DTNBP1: variants seen among roughly 807,000 people sequenced by gnomAD.
DTNBP1 encodes dysbindin.
Under a neutral mutation model 42.8 loss-of-function variants are expected in DTNBP1, and 35 were observed. The ratio of observed to expected loss-of-function variants is 0.82; its 90% confidence interval spans 0.63 to 1.09. DTNBP1 has a LOEUF of 1.09. DTNBP1 is among the 50% of genes least tolerant of loss of function. DTNBP1 has a pLI of 0.00. For synonymous variants in DTNBP1, 171 were observed against 162.2 expected, an observed-to-expected ratio of 1.05 and a Z score of -0.41; for missense variants, 457 against 424.2, an observed-to-expected ratio of 1.08 and a Z score of -0.68.
At chr6:15,552,438 A>G (rs1309966256) in intron 7 of DTNBP1, among the ~76,000 whole-genome samples, 1 of 152,224 alleles carries the variant, frequency 6.6e-6, no homozygotes, top group African/African-American at 2.4e-5. Flanking sequence ...TATTTATTCA[A>G]TGAAAGGTTT....
rs185521173 is a variant in DTNBP1 at position 15,624,702 on chromosome 6, G to A, written c.355+2641C>T. ...GGGACCCTGTGACTAAATATAATCG[G>A]TTACCATTTTCTTCTAAGTTTGTTT... On this transcript the variant is annotated intron_variant, in intron 5 of 9. Transcript: ENST00000344537. Among the ~76,000 whole-genome samples, 34 of 151,862 alleles carry A rather than the reference G, an allele frequency of 2.2e-4. 1 individual carries two copies. In the East Asian group the frequency reaches 6.2e-3, roughly 28 times the overall value.
chr6:15,564,114 C>T (rs1774962468), intron 7 of DTNBP1, among the ~76,000 whole-genome samples: 1 of 151,732 alleles, frequency 6.6e-6, no homozygotes, highest in African/African-American at 2.4e-5. Flanking sequence ...TCAGGGAGAC[C>T]CCTTTGAGGT....
chr6:15,662,720 T>C lies in DTNBP1; in HGVS notation c.56+94A>G, dbSNP rs2113843037. 4 of 1,553,344 alleles carry C rather than the reference T, an allele frequency of 2.6e-6. No homozygotes were observed. In the South Asian group the frequency reaches 4.5e-5, roughly 17 times the overall value. On this transcript the variant is annotated intron_variant, in intron 1 of 9. Transcript: ENST00000344537. ...GGGAGGTGCGGGACAGGACGGACCCTGGACCGTGGCGCGGGGAAGGGAGCG... is the reference window on the plus strand; with the variant it reads ...GGGAGGTGCGGGACAGGACGGACCCCGGACCGTGGCGCGGGGAAGGGAGCG...
chr6:15,622,364 G>A (rs1271816979), intron 5 of DTNBP1, among the ~76,000 whole-genome samples: 1 of 151,820 alleles, frequency 6.6e-6, no homozygotes, highest in Non-Finnish European at 1.5e-5. Context: ...TAAAATAATT[G>A]CATTGAAAAA....
intron 4 of DTNBP1, among the ~76,000 whole-genome samples, chr6:15,634,146 C>T (rs1380501072): frequency 6.7e-6 from 1 of 148,516 alleles, no homozygotes; most frequent in Non-Finnish European, 1.5e-5. Context: ...TTTTCCTCGT[C>T]TTTCAAAATA....
intron 4 of DTNBP1, among the ~76,000 whole-genome samples, chr6:15,634,608 A>T (rs1759898705): frequency 6.6e-6 from 1 of 152,136 alleles, no homozygotes; most frequent in Non-Finnish European, 1.5e-5. Context: ...GTGAGCCACC[A>T]CACCCAACCA....
chr6:15,572,728 T>C (rs1489787524), intron 7 of DTNBP1, among the ~76,000 whole-genome samples: 2 of 152,158 alleles, frequency 1.3e-5, no homozygotes, highest in East Asian at 1.9e-4. Flanking sequence ...CTAGATTCCA[T>C]GTTCTTCTTT....
chr6:15,527,991 C>T (rs1487157112), intron 8 of DTNBP1, among the ~76,000 whole-genome samples: 2 of 152,188 alleles, frequency 1.3e-5, no homozygotes, highest in Admixed American at 1.3e-4. Flanking sequence ...GCAAGTTCTA[C>T]TCAACACTCA....
At chr6:15,586,046 A>C in intron 7 of DTNBP1, 1 of 1,152,654 alleles carries the variant, frequency 8.7e-7, no homozygotes, top group African/African-American at 1.6e-5. Flanking sequence ...ACCATACCAA[A>C]TGCAGCTCAA....
intron 6 of DTNBP1, among the ~76,000 whole-genome samples, chr6:15,601,060 C>T (rs982096836): frequency 2.6e-5 from 4 of 152,094 alleles, no homozygotes; most frequent in Non-Finnish European, 5.9e-5. Context: ...AAAACATTTA[C>T]AAAGAAAACT....
chr6:15,569,061 T>G (rs1461744905), intron 7 of DTNBP1, among the ~76,000 whole-genome samples: 13 of 152,160 alleles, frequency 8.5e-5, no homozygotes. Context: ...ACATGCCAAG[T>G]TCTGGGCAGA....
chr6:15,529,809 G>A (rs1188502400), intron 8 of DTNBP1, among the ~76,000 whole-genome samples: 1 of 152,258 alleles, frequency 6.6e-6, no homozygotes, highest in Non-Finnish European at 1.5e-5. Context: ...AGTCATGTCA[G>A]GCAGAAGATC....
At chr6:15,625,666 T>G (rs1029285730) in intron 5 of DTNBP1, among the ~76,000 whole-genome samples, 1 of 152,204 alleles carries the variant, frequency 6.6e-6, no homozygotes, top group Non-Finnish European at 1.5e-5. Flanking sequence ...TGTGGCAGAA[T>G]GCATTTAATC....
At chr6:15,645,293 T>TA (rs1228400172) in intron 3 of DTNBP1, among the ~76,000 whole-genome samples, 20 of 151,036 alleles carry the variant, frequency 1.3e-4, no homozygotes, top group Admixed American at 3.3e-4. Flanking sequence ...ATAATAATAA[T>TA]AAAAAAAATC....
At chr6:15,656,999 C>T (rs536993046) in intron 1 of DTNBP1, among the ~76,000 whole-genome samples, 73 of 152,276 alleles carry the variant, frequency 4.8e-4, no homozygotes, top group Admixed American at 2.6e-4. Flanking sequence ...TACATTTTCA[C>T]ATCAGTGTTC....
At chr6:15,575,603 G>A (rs1775527990) in intron 7 of DTNBP1, among the ~76,000 whole-genome samples, 1 of 152,222 alleles carries the variant, frequency 6.6e-6, no homozygotes, top group African/African-American at 2.4e-5. Flanking sequence ...GGACCTGGAG[G>A]CCAAAACAGC....
chr6:15,526,136 A>G (rs557962027), intron 8 of DTNBP1, among the ~76,000 whole-genome samples: 1 of 152,236 alleles, frequency 6.6e-6, no homozygotes, highest in Non-Finnish European at 1.5e-5. Context: ...ATGGTGTAAC[A>G]TTAGGTATCG....
At chr6:15,540,917 C>T (rs565199230) in intron 7 of DTNBP1, among the ~76,000 whole-genome samples, 144 of 152,316 alleles carry the variant, frequency 9.5e-4, no homozygotes, top group Non-Finnish European at 1.7e-3. Context: ...GCTGGGATTA[C>T]AGGTGTGAGC....
chr6:15,654,371 A>T (rs1761170436), intron 1 of DTNBP1, among the ~76,000 whole-genome samples: 1 of 152,196 alleles, frequency 6.6e-6, no homozygotes, highest in African/African-American at 2.4e-5. Flanking sequence ...AGGCAAAATT[A>T]TCCTAGTTAT....
Sources: gnomAD v4.1 joint callset for allele counts (sites outside exome capture counted in the v4.1 genomes callset) on GRCh38, gnomAD v4.1.1 for gene constraint, MANE v1.5 for transcripts, NCBI Gene and HGNC (gene_info 2026-07-23, HGNC 2026-07-21) for gene names.